S100PBP: variants seen among roughly 807,000 people sequenced by gnomAD.
S100PBP encodes the protein S100P-binding protein.
A neutral mutation model predicts 39.9 loss-of-function variants in S100PBP; 15 were observed. That is an observed-to-expected ratio of 0.38 (90% CI 0.25 to 0.58). The LOEUF (loss-of-function observed/expected upper bound fraction) is 0.58. Ranked by LOEUF, S100PBP falls within the 20% of genes least tolerant of loss-of-function variation. S100PBP has a pLI of 0.70. For synonymous variants in S100PBP, 178 were observed against 180.3 expected, an observed-to-expected ratio of 0.99 and a Z score of 0.10; for missense variants, 504 against 487.3, an observed-to-expected ratio of 1.03 and a Z score of -0.32.
chr1:32,850,492 C>T (rs1640564531), intron 5 of S100PBP, among the ~76,000 whole-genome samples: 1 of 152,128 alleles, frequency 6.6e-6, no homozygotes, highest in Non-Finnish European at 1.5e-5. Flanking sequence ...GAGTTACTTC[C>T]CTTCATGAGG....
chr1:32,856,203 G>T lies in S100PBP; in HGVS notation c.*165G>T. The T allele has an allele frequency of 2.2e-6, 1 of 456,710 alleles. No homozygotes were observed. The highest frequency in any genetic ancestry group is 4.0e-6 in the Non-Finnish European group (1 of 251,346). 28.3% of individuals were successfully genotyped at this position (456,710 alleles called of 1,614,324 possible). ...TTTTGGAAATGCCCATTGCCGACTT[G>T]AATTTTTTTGTATGAAGTCCCTCCT... On this transcript the variant is annotated 3_prime_UTR_variant, in exon 7 of 7. Coordinates refer to ENST00000373475, the MANE Select transcript of S100PBP (RefSeq NM_022753.4).
chr1:32,822,620 C>CAA (rs922887705), intron 1 of S100PBP, among the ~76,000 whole-genome samples: 965 of 77,700 alleles, frequency 0.012, 18 homozygotes, highest in African/African-American at 0.04. Flanking sequence ...GACTCCGTTT[C>CAA]AAAAAAAAAA....
rs1401380277 is a variant in S100PBP, at chr1:32,826,804, G to A, written c.705G>A (p.Thr235=). 8.7e-6 allele frequency: 14 copies of A among 1,613,942 alleles called. No individual in the cohort carries two copies. The highest frequency in any genetic ancestry group is 1.6e-4 in the Middle Eastern group (1 of 6,062). Reference sequence around the variant, plus strand: ...ATATGCCTGACAGTGAGAACCCTACGTCTGTATTCTCTCGGATCTCAGACC... The same window carrying A: ...ATATGCCTGACAGTGAGAACCCTACATCTGTATTCTCTCGGATCTCAGACC... ...DKNMPDSENP[T]SVFSRISDHS... The change falls in exon 3 of 7, where the codon ACG becomes ACA. Residue 235 remains threonine (T), a synonymous_variant. Transcript: ENST00000373475.
At chr1:32,834,185 T>G (rs1467617267) in intron 5 of S100PBP, 1 of 172,600 alleles carries the variant, frequency 5.8e-6, no homozygotes, top group African/African-American at 2.4e-5. Context: ...GTTTTAATAA[T>G]TGGTCAGGTT....
At chr1:32,817,437 A>T, upstream of S100PBP, 1 of 667,770 alleles carries the variant, frequency 1.5e-6, no homozygotes. Context: ...AGAGTCGAGC[A>T]GGTCGATGAG....
chr1:32,854,072 C>T (rs1223894265), intron 6 of S100PBP, among the ~76,000 whole-genome samples: 2 of 152,002 alleles, frequency 1.3e-5, no homozygotes, highest in Middle Eastern at 6.3e-3. Context: ...TGTGGCTGTA[C>T]AAATTTATTC....
chr1:32,851,672 C>G (rs1048728892), intron 5 of S100PBP, among the ~76,000 whole-genome samples: 2 of 151,760 alleles, frequency 1.3e-5, no homozygotes, highest in South Asian at 4.2e-4. Flanking sequence ...TCTCCCACCC[C>G]ACTACCCACA....
At chr1:32,838,698 C>T (rs1224781319) in intron 5 of S100PBP, among the ~76,000 whole-genome samples, 2 of 152,056 alleles carry the variant, frequency 1.3e-5, no homozygotes, top group Non-Finnish European at 2.9e-5. Context: ...CAAAAATTAA[C>T]CAGGCGTGGT....
At chr1:32,824,841 T>C (rs1334801906) in intron 1 of S100PBP, 1 of 148,070 alleles carries the variant, frequency 6.8e-6, no homozygotes, top group Non-Finnish European at 1.5e-5. Context: ...TATATATATA[T>C]ATATAAAGAT....
At chr1:32,855,700 T>C (rs1312100531) in intron 6 of S100PBP, among the ~76,000 whole-genome samples, 1 of 152,140 alleles carries the variant, frequency 6.6e-6, no homozygotes, top group Non-Finnish European at 1.5e-5. Context: ...CCTATGGGAA[T>C]TAGGTGGCTT....
intron 5 of S100PBP, among the ~76,000 whole-genome samples, chr1:32,852,312 CAA>C (rs879318953): frequency 2.3e-5 from 3 of 132,058 alleles, no homozygotes; most frequent in African/African-American, 2.8e-5. Flanking sequence ...GACTCTGTCT[CAA>C]AAAAAAAAAA....
chr1:32,829,874 C>G (rs556091320), intron 4 of S100PBP, 90 bp from the exon 5 acceptor site: 1 of 839,054 alleles, frequency 1.2e-6, no homozygotes, highest in Admixed American at 2.1e-5. Context: ...TAGTTCTAAT[C>G]AATCAGCAGT....
At position 32,854,024 on chromosome 1, in the gene S100PBP, C is replaced by T. The variant is rs115053105; in HGVS notation, c.1112+858C>T. ...TCTGGAATTTTTTTTTTTTAAGACTCAAATTTAGTATTACAGTTTTCTGGA... is the reference window on the plus strand; with the variant it reads ...TCTGGAATTTTTTTTTTTTAAGACTTAAATTTAGTATTACAGTTTTCTGGA... On this transcript the variant is annotated intron_variant, in intron 6 of 6. Coordinates refer to ENST00000373475, the MANE Select transcript of S100PBP (RefSeq NM_022753.4). Among the ~76,000 whole-genome samples the T allele has an allele frequency of 6.3e-3, 961 of 151,978 alleles. 7 individuals carry two copies. The highest frequency in any genetic ancestry group is 0.01 in the Middle Eastern group (3 of 294).
At position 32,826,511 on chromosome 1, in the gene S100PBP, G is replaced by A. The variant is rs368576841; in HGVS notation, c.412G>A (p.Val138Ile). The A allele has an allele frequency of 1.9e-6, 3 of 1,614,072 alleles. No homozygotes were observed. The highest frequency in any genetic ancestry group is 1.3e-5 in the African/African-American group (1 of 75,044). ...AHTKPLNRRS[V>I]LEKNLIKVTV... ...TACTAAACCATTAAACAGACGCTCT[G>A]TACTAGAAAAGAATCTTATAAAAGT... is the stretch of plus-strand genomic sequence containing the variant. Residue 138 changes from valine to isoleucine, a missense_variant, in exon 3 of 7, where the codon GTA becomes ATA. Transcript: ENST00000373475.
intron 1 of S100PBP, among the ~76,000 whole-genome samples, chr1:32,820,287 C>T (rs956266745): frequency 6.6e-6 from 1 of 151,700 alleles, no homozygotes; most frequent in Non-Finnish European, 1.5e-5. Flanking sequence ...GCTGGGATTA[C>T]AGGCATGCAC....
upstream of S100PBP, chr1:32,817,441 C>A: frequency 1.5e-6 from 1 of 661,936 alleles, no homozygotes; most frequent in Non-Finnish European, 2.6e-6. Context: ...TCGAGCAGGT[C>A]GATGAGACGG....
intron 1 of S100PBP, among the ~76,000 whole-genome samples, chr1:32,821,781 C>T (rs1024069761): frequency 4.6e-5 from 7 of 151,928 alleles, no homozygotes; most frequent in South Asian, 2.1e-4. Flanking sequence ...GCTACAGGCC[C>T]GCGTCACCAT....
chr1:32,823,370 T>C (rs902573193), intron 1 of S100PBP, among the ~76,000 whole-genome samples: 1 of 152,264 alleles, frequency 6.6e-6, no homozygotes, highest in African/African-American at 2.4e-5. Context: ...CAGTCACTAA[T>C]GCAGAGAAAT....
intron 1 of S100PBP, among the ~76,000 whole-genome samples, chr1:32,821,433 T>C (rs2148631001): frequency 6.6e-6 from 1 of 151,862 alleles, no homozygotes; most frequent in Non-Finnish European, 1.5e-5. Flanking sequence ...ACAGTTCCCC[T>C]GCCTCAGCCT....
Sources: gnomAD v4.1 joint callset for allele counts (sites outside exome capture counted in the v4.1 genomes callset) on GRCh38, gnomAD v4.1.1 for gene constraint, MANE v1.5 for transcripts, NCBI Gene and HGNC (gene_info 2026-07-23, HGNC 2026-07-21) for gene names.